The following PRR3 variants were observed in gnomAD, a reference collection of about 807,000 sequenced individuals.
The protein encoded by PRR3 is proline rich 3.
Under a neutral mutation model 22.4 loss-of-function variants are expected in PRR3, and 16 were observed. The observed-to-expected ratio is 0.71, with a 90% confidence interval of 0.48 to 1.09. PRR3 has a LOEUF of 1.09. Among genes scored for constraint, PRR3 ranks in the 50% least tolerant of loss-of-function variants. PRR3 has a pLI of 0.00. For missense variants in PRR3, 224 were observed against 243.4 expected, an observed-to-expected ratio of 0.92 and a Z score of 0.53; for synonymous variants, 87 against 88.6, an observed-to-expected ratio of 0.98 and a Z score of 0.10.
upstream of PRR3, chr6:30,556,936 G>A: frequency 1.6e-6 from 1 of 616,324 alleles, no homozygotes; most frequent in Non-Finnish European, 2.9e-6. The surrounding 1 kb of genome is among the most constrained non-coding windows in gnomAD (Gnocchi z 5.7). Context: ...GCACGAAGTT[G>A]TGCCTGCAGC....
At position 30,561,115 on chromosome 6, in the gene PRR3, C is replaced by A; in HGVS notation, c.170-719C>A. The A allele has an allele frequency of 4.2e-6, 1 of 236,678 alleles. No individual in the cohort carries two copies. Among genetic ancestry groups the A allele is most frequent in the Non-Finnish European group, 8.4e-6 (1 of 118,434 alleles). 14.7% of individuals were successfully genotyped at this position (236,678 alleles called of 1,614,324 possible). ...GGCAAAATTTAAAAACCTAACAATTCCAAGTGTTGTCAAGGCTATAGGACA... is the reference window on the plus strand; with the variant it reads ...GGCAAAATTTAAAAACCTAACAATTACAAGTGTTGTCAAGGCTATAGGACA... On this transcript the variant is annotated intron_variant, in intron 2 of 3. Coordinates refer to ENST00000376560, the MANE Select transcript of PRR3 (RefSeq NM_025263.4). This position sits in a 1 kb window ranked among gnomAD's most constrained non-coding sequence, Gnocchi z 4.0.
intron 3 of PRR3, 40 bp downstream of exon 3, chr6:30,562,164 C>A: frequency 6.6e-7 from 1 of 1,518,790 alleles, no homozygotes; most frequent in Non-Finnish European, 8.8e-7. Flanking sequence ...CCCAGAGTGA[C>A]CTAATTTTCA....
Position 30,561,409 on chromosome 6 carries a change from A to G in PRR3, c.170-425A>G. ...TTGTGTATGCATGCAATGGGACTAC[A>G]CTGCAACGAAAATGAATGAACTGCT... On this transcript the variant is annotated intron_variant, in intron 2 of 3. Coordinates refer to ENST00000376560, the MANE Select transcript of PRR3 (RefSeq NM_025263.4). This position sits in a 1 kb window ranked among gnomAD's most constrained non-coding sequence, Gnocchi z 4.0. The G allele has an allele frequency of 2.1e-6, 1 of 475,234 alleles. No homozygotes were observed. The allele number at this position is 475,234 out of a possible 1,614,324, so 29.4% of individuals were successfully genotyped here. A position where few individuals can be genotyped will look rare whatever the true frequency, so the allele number is the denominator to read the frequency against.
At position 30,561,943 on chromosome 6, in the gene PRR3, G is replaced by A. The variant is rs766742175; in HGVS notation, c.279G>A (p.Arg93=). The A allele has an allele frequency of 2.4e-4, 395 of 1,612,998 alleles. 6 individuals carry two copies. The South Asian group carries it at 4.2e-3, about 17-fold the overall frequency. The change falls in exon 3 of 4, where the codon AGG becomes AGA. Residue 93 remains arginine (R), a synonymous_variant. Transcript: ENST00000376560. This position sits in a 1 kb window ranked among gnomAD's most constrained non-coding sequence, Gnocchi z 4.0. ...CAATTCGGAGAGGGCTTGGCCCCAG[G>A]TCTAGCCCATATGGTCGTGGTTGGT... The part of the protein sequence containing the change: ...RGPIRRGLGP[R]SSPYGRGWWG...
In PRR3 at chr6:30,561,796, A is replaced by G; in HGVS notation, c.170-38A>G. 1 of 1,487,936 alleles carries G rather than the reference A, an allele frequency of 6.7e-7. No individual in the cohort carries two copies. Among genetic ancestry groups the G allele is most frequent in the South Asian group, 1.3e-5 (1 of 74,524 alleles). The allele number at this position is 1,487,936 out of a possible 1,614,324, so 92.2% of individuals were successfully genotyped here. A position where few individuals can be genotyped will look rare whatever the true frequency, so the allele number is the denominator to read the frequency against. The stretch of plus-strand genomic sequence containing the variant: ...GTTTATCAGGATTCAGCTGCCCATT[A>G]GACACCTTTCTGTGTCTCTCTCTCT... On this transcript the variant is annotated intron_variant, in intron 2 of 3. Coordinates refer to ENST00000376560, the MANE Select transcript of PRR3 (RefSeq NM_025263.4). The surrounding 1 kb of genome is among the most constrained non-coding windows in gnomAD (Gnocchi z 4.0).
upstream of PRR3, chr6:30,556,792 C>T: frequency 6.4e-6 from 3 of 467,310 alleles, no homozygotes; most frequent in Non-Finnish European, 1.2e-5. The surrounding 1 kb of genome is among the most constrained non-coding windows in gnomAD (Gnocchi z 5.7). Flanking sequence ...TCTGAGAGTC[C>T]TGGGTGCCGA....
chr6:30,559,115 C>T (rs750932619), intron 2 of PRR3, among the ~76,000 whole-genome samples: 76 of 152,320 alleles, frequency 5.0e-4, no homozygotes, highest in Non-Finnish European at 9.4e-4. Context: ...CAGTGGCTCA[C>T]GCCTGTAATC....
At position 30,561,639 on chromosome 6, in the gene PRR3, A is replaced by G. The variant is rs1800635096; in HGVS notation, c.170-195A>G. Reference sequence around the variant, plus strand: ...CAAGGGGAGGATCTTTTGAGGTGCTAATAAGGCTTTATCTCTTCACCTGGT... The same window carrying G: ...CAAGGGGAGGATCTTTTGAGGTGCTGATAAGGCTTTATCTCTTCACCTGGT... On this transcript the variant is annotated intron_variant, in intron 2 of 3. Coordinates refer to ENST00000376560, the MANE Select transcript of PRR3 (RefSeq NM_025263.4). The surrounding 1 kb of genome is among the most constrained non-coding windows in gnomAD (Gnocchi z 4.0). 1 of 609,960 alleles carries G rather than the reference A, an allele frequency of 1.6e-6. No homozygotes were observed. Among genetic ancestry groups the G allele is most frequent in the Non-Finnish European group, 2.9e-6 (1 of 348,158 alleles). The allele number at this position is 609,960 out of a possible 1,614,324, so 37.8% of individuals were successfully genotyped here. A position where few individuals can be genotyped will look rare whatever the true frequency, so the allele number is the denominator to read the frequency against.
rs78954739 is a variant in PRR3, at chr6:30,562,706, A to G, written c.*211A>G. The G allele has an allele frequency of 0.014, 6,355 of 462,366 alleles. 148 individuals carry two copies. The highest frequency in any genetic ancestry group is 0.051 in the African/African-American group (2,557 of 50,178). 28.6% of individuals were successfully genotyped at this position (462,366 alleles called of 1,614,324 possible). A position where few individuals can be genotyped will look rare whatever the true frequency, so the allele number is the denominator to read the frequency against. The stretch of plus-strand genomic sequence containing the variant: ...CGCGCTTTCTTCTGATCCAGCCTGT[A>G]GAGACTCGCCTTTGGGACCCATCTT... On this transcript the variant is annotated 3_prime_UTR_variant, in exon 4 of 4. Coordinates refer to ENST00000376560, the MANE Select transcript of PRR3 (RefSeq NM_025263.4).
intron 3 of PRR3, 68 bp downstream of exon 3, chr6:30,562,192 TTC>T: frequency 6.8e-7 from 1 of 1,474,806 alleles, no homozygotes; most frequent in Non-Finnish European, 9.1e-7. Context: ...ATTCACAATC[TTC>T]TCTGGGCTTT....
Position 30,561,610 on chromosome 6 carries a change from G to A in PRR3, c.170-224G>A. Reference sequence around the variant, plus strand: ...GAGGAGGGTGGGTAATGGGAAAAGGGGCACAAGGGGAGGATCTTTTGAGGT... The same window carrying A: ...GAGGAGGGTGGGTAATGGGAAAAGGAGCACAAGGGGAGGATCTTTTGAGGT... On this transcript the variant is annotated intron_variant, in intron 2 of 3. Transcript: ENST00000376560. The surrounding 1 kb of genome is among the most constrained non-coding windows in gnomAD (Gnocchi z 4.0). 1.7e-6 allele frequency: 1 copy of A among 602,244 alleles called. No individual in the cohort carries two copies. The highest frequency in any genetic ancestry group is 2.8e-5 in the East Asian group (1 of 35,966). 37.3% of individuals were successfully genotyped at this position (602,244 alleles called of 1,614,324 possible). A position where few individuals can be genotyped will look rare whatever the true frequency, so the allele number is the denominator to read the frequency against.
rs999116192 is a variant in PRR3 at position 30,561,438 on chromosome 6, A to G, written c.170-396A>G. On this transcript the variant is annotated intron_variant, in intron 2 of 3. Coordinates refer to ENST00000376560, the MANE Select transcript of PRR3 (RefSeq NM_025263.4). The surrounding 1 kb of genome is among the most constrained non-coding windows in gnomAD (Gnocchi z 4.0). ...CAACGAAAATGAATGAACTGCTGCT[A>G]CAGGCAACCTGGATGAATCTCACAA... 2 of 491,016 alleles carry G rather than the reference A, an allele frequency of 4.1e-6. No homozygotes were observed. The highest frequency in any genetic ancestry group is 8.0e-6 in the Non-Finnish European group (2 of 250,988). The allele number at this position is 491,016 out of a possible 1,614,324, so 30.4% of individuals were successfully genotyped here. A position where few individuals can be genotyped will look rare whatever the true frequency, so the allele number is the denominator to read the frequency against.
chr6:30,557,548 G>A (rs1415254376), intron 1 of PRR3, 98 bp downstream of exon 1: 4 of 792,966 alleles, frequency 5.0e-6, no homozygotes, highest in Non-Finnish European at 8.0e-6. Flanking sequence ...GTAACGGAAG[G>A]AGGAAGGGCG....
chr6:30,562,393 A>T lies in PRR3; in HGVS notation c.465A>T (p.Lys155Asn). The T allele has an allele frequency of 6.2e-7, 1 of 1,613,106 alleles. No homozygotes were observed. The highest frequency in any genetic ancestry group is 8.5e-7 in the Non-Finnish European group (1 of 1,179,244). Residue 155 changes from lysine to asparagine, a missense_variant, in exon 4 of 4, where the codon AAA becomes AAT. Transcript: ENST00000376560. The part of the protein sequence containing the change: ...PKDDPQVMED[K>N]SDRPVCRHFA... ...TCCATTTTCACTTGTTCACAGACAA[A>T]TCCGACCGCCCTGTCTGCCGACATT...
upstream of PRR3, chr6:30,557,100 T>C (rs1023649947): frequency 8.5e-6 from 6 of 702,436 alleles, no homozygotes; most frequent in African/African-American, 1.0e-4. Flanking sequence ...AGTAATTTTT[T>C]CAAAGCATTT....
At chr6:30,557,163 C>T (rs1562721779), upstream of PRR3, 1 of 704,292 alleles carries the variant, frequency 1.4e-6, no homozygotes, top group Admixed American at 2.0e-5. Flanking sequence ...CTGGCAGAGA[C>T]GGAGGGAGGC....
In PRR3 at chr6:30,557,764, A is replaced by C. The variant is rs568720989; in HGVS notation, c.106+314A>C. 4.6e-5 allele frequency among the ~76,000 whole-genome samples: 7 copies of C among 152,360 alleles called. No individual in the cohort carries two copies. In the East Asian group the frequency reaches 1.2e-3, roughly 25 times the overall value. ...GTTGCAGATTGCGATGACTGGGATG[A>C]CAGTTTGTATCCAGACTTTGACTGA... On this transcript the variant is annotated intron_variant, in intron 1 of 3. Coordinates refer to ENST00000376560, the MANE Select transcript of PRR3 (RefSeq NM_025263.4).
rs1256092469 is a variant in PRR3, at chr6:30,557,394, A to T, written c.50A>T (p.Gln17Leu). 1.9e-6 allele frequency: 3 copies of T among 1,612,696 alleles called. No homozygotes were observed. The African/African-American group carries it at 4.0e-5, about 22-fold the overall frequency. ...QNHHQPPTQQ[Q>L]PPLPEREETG... ...CATCACCAGCCACCGACACAGCAGC[A>T]GCCCCCGCTGCCCGAGCGGGAAGAG... The change falls in exon 1 of 4, where the codon CAG becomes CTG. Residue 17 changes from glutamine to leucine, a missense_variant. Gln to Leu is a moderately radical substitution (Grantham distance 113). Transcript: ENST00000376560.
Position 30,562,484 on chromosome 6 carries a change from C to T in PRR3, c.556C>T (p.Pro186Ser). 6.2e-7 allele frequency: 1 copy of T among 1,604,802 alleles called. No individual in the cohort carries two copies. The highest frequency in any genetic ancestry group is 8.5e-7 in the Non-Finnish European group (1 of 1,171,590). Residue 186 changes from proline to serine, a missense_variant, in exon 4 of 4, where the codon CCT becomes TCT. Coordinates refer to ENST00000376560, the MANE Select transcript of PRR3 (RefSeq NM_025263.4). ...CAFYHPGVNG[P>S]PL ...CTTCTACCATCCAGGCGTCAATGGA[C>T]CTCCTCTGTGAGACTGTGCCTTCCC...
Sources: allele counts gnomAD v4.1 joint callset (sites outside exome capture counted in the v4.1 genomes callset), GRCh38; gene constraint gnomAD v4.1.1; non-coding constraint Gnocchi (gnomAD v3.1); transcripts MANE v1.5; gene names NCBI Gene and HGNC (gene_info 2026-07-23, HGNC 2026-07-21).